Variants in NLRC4 observed in about 807,000 individuals in gnomAD.
NLRC4 encodes the protein NLR family CARD domain-containing protein 4.
In NLRC4, 63 loss-of-function variants were observed where a neutral mutation model predicts 79.9. That is an observed-to-expected ratio of 0.79 (90% CI 0.64 to 0.97). NLRC4 has a LOEUF of 0.97. Among genes scored for constraint, NLRC4 ranks in the 50% least tolerant of loss-of-function variants. NLRC4 has a pLI of 0.00. For synonymous variants in NLRC4, 461 were observed against 456.5 expected (o/e 1.01, Z -0.12); for missense variants, 1,074 against 1,215.2 (o/e 0.88, Z 1.73).
chr2:32,232,013 T>C (rs1243982673), intron 8 of NLRC4, among the ~76,000 whole-genome samples: 1 of 152,254 alleles, frequency 6.6e-6, no homozygotes, highest in Non-Finnish European at 1.5e-5. Flanking sequence ...CAAGGAATAC[T>C]GGTCAGTTTT....
chr2:32,244,822 A>AAGG (rs948469644), intron 4 of NLRC4, among the ~76,000 whole-genome samples: 21 of 146,506 alleles, frequency 1.4e-4, no homozygotes, highest in Middle Eastern at 3.5e-3. Flanking sequence ...TACAAAAAAG[A>AAGG]AGGAGGAGGA....
Position 32,247,305 on chromosome 2 carries a change from A to AT in NLRC4, c.2257+2301dup, listed in dbSNP as rs547856134. Among the ~76,000 whole-genome samples, 53 of 146,740 alleles carry AT rather than the reference A, an allele frequency of 3.6e-4. No individual in the cohort carries two copies. In the South Asian group the frequency reaches 8.3e-3, roughly 23 times the overall value. ...ACAAGCTTAACCTGCGTATATATTT[A>AT]TTTTTTTTAATTTTTTTTTTTTTTT... On this transcript the variant is annotated intron_variant, in intron 4 of 8. Coordinates refer to ENST00000402280, the MANE Select transcript of NLRC4 (RefSeq NM_001199138.2).
At chr2:32,233,913 A>G (rs1251135935) in intron 8 of NLRC4, among the ~76,000 whole-genome samples, 1 of 152,122 alleles carries the variant, frequency 6.6e-6, no homozygotes, top group Non-Finnish European at 1.5e-5. Context: ...ATTGGGTTCT[A>G]TCTCTCTCTT....
chr2:32,237,232 A>G (rs1159328719), intron 6 of NLRC4, among the ~76,000 whole-genome samples: 2 of 152,184 alleles, frequency 1.3e-5, no homozygotes, highest in East Asian at 1.9e-4. Context: ...TTTCATGAAT[A>G]TGTACTCTTG....
chr2:32,234,800 G>C (rs1406725228), intron 8 of NLRC4, among the ~76,000 whole-genome samples: 1 of 152,180 alleles, frequency 6.6e-6, no homozygotes, highest in Non-Finnish European at 1.5e-5. Flanking sequence ...GAGCTAACCT[G>C]CTAAACTCCT....
chr2:32,233,810 T>G (rs960334782), intron 8 of NLRC4, among the ~76,000 whole-genome samples: 1 of 152,208 alleles, frequency 6.6e-6, no homozygotes, highest in Non-Finnish European at 1.5e-5. Context: ...TGGTGTATAG[T>G]GCAGATTAAG....
intron 4 of NLRC4, 25 bp downstream of exon 4, chr2:32,249,582 C>A (rs1327808033): frequency 6.6e-7 from 1 of 1,510,796 alleles, no homozygotes. Context: ...GTGAACAAAG[C>A]ACAAACCACT....
At chr2:32,238,347 C>G in intron 5 of NLRC4, 45 bp from the exon 6 acceptor site, 1 of 1,490,832 alleles carries the variant, frequency 6.7e-7, no homozygotes, top group Non-Finnish European at 9.2e-7. Flanking sequence ...CAAGTTAATT[C>G]GATTTAAGCA....
At chr2:32,237,376 C>A (rs935836517) in intron 6 of NLRC4, among the ~76,000 whole-genome samples, 6 of 152,128 alleles carry the variant, frequency 3.9e-5, no homozygotes, top group Non-Finnish European at 5.9e-5. Flanking sequence ...ATTTGCAGTT[C>A]TAAGCCTGTC....
intron 8 of NLRC4, among the ~76,000 whole-genome samples, chr2:32,233,925 A>G (rs1373258606): frequency 6.6e-6 from 1 of 152,090 alleles, no homozygotes; most frequent in African/African-American, 2.4e-5. Flanking sequence ...CTCTCTCTTT[A>G]GCTCTAACAA....
chr2:32,243,952 T>C (rs1250056215), intron 4 of NLRC4, among the ~76,000 whole-genome samples: 2 of 151,334 alleles, frequency 1.3e-5, no homozygotes, highest in Non-Finnish European at 3.0e-5. Flanking sequence ...AGAAAACACA[T>C]GTGACATAAT....
rs1687034064 is a variant in NLRC4, at chr2:32,250,116, C to G, written c.1748G>C (p.Ser583Thr). 4 of 1,614,140 alleles carry G rather than the reference C, an allele frequency of 2.5e-6. No homozygotes were observed. Among genetic ancestry groups the G allele is most frequent in the Non-Finnish European group, 2.5e-6 (3 of 1,180,018 alleles). ...QEFEAFFQGK[S>T]LYINSGNIPD... Reference sequence around the variant, plus strand: ...GATGTTCCCTGAGTTGATATATAAGCTTTTACCTTGAAAGAAAGCTTCAAA... The same window carrying G: ...GATGTTCCCTGAGTTGATATATAAGGTTTTACCTTGAAAGAAAGCTTCAAA... Residue 583 changes from serine (S) to threonine (T), a missense_variant, in exon 4 of 9, where the codon AGC becomes ACC. Physicochemically the swap from Ser to Thr is moderately conservative, Grantham distance 58 (BLOSUM62 1). Coordinates refer to ENST00000402280, the MANE Select transcript of NLRC4 (RefSeq NM_001199138.2). This position sits in a 1 kb window ranked among gnomAD's most constrained non-coding sequence, Gnocchi z 4.9.
intron 1 of NLRC4, among the ~76,000 whole-genome samples, chr2:32,261,316 C>CCCTTTTTTTTTTTTTTTTTTT: frequency 4.9e-4 from 47 of 96,866 alleles, no homozygotes; most frequent in African/African-American, 7.0e-4. Context: ...AGCCTCCCCC[C>CCCTTTTTTTTTTTTTTTTTTT]TTTTGTTTTT....
At position 32,241,369 on chromosome 2, in the gene NLRC4, CTTTTTTTTTTTTTT is replaced by C. The variant is rs34150887; in HGVS notation, c.2258-258_2258-245del. Among the ~76,000 whole-genome samples the C allele has an allele frequency of 5.4e-3, 405 of 74,422 alleles. 1 individual carries two copies. The highest frequency in any genetic ancestry group is 0.022 in the African/African-American group (394 of 17,824). The allele number at this position is 74,422 out of a possible 152,430, so 48.8% of individuals were successfully genotyped here. ...CCCAGATAACAGGGAAAAAAATTTC[CTTTTTTTTTTTTTT>C]TTTTTTTTTTTGAGACAGAGTCTTG... On this transcript the variant is annotated intron_variant, in intron 4 of 8. Transcript: ENST00000402280.
At chr2:32,230,994 GT>G (rs1686519832) in intron 8 of NLRC4, among the ~76,000 whole-genome samples, 1 of 152,028 alleles carries the variant, frequency 6.6e-6, no homozygotes, top group South Asian at 2.1e-4. Context: ...TCTCATTGTA[GT>G]TTTGGTTTAC....
In NLRC4 at chr2:32,250,750, G is replaced by GT; in HGVS notation, c.1113dup (p.Gln372ThrfsTer8). The GT allele has an allele frequency of 6.2e-7, 1 of 1,614,186 alleles. No homozygotes were observed. The highest frequency in any genetic ancestry group is 8.5e-7 in the Non-Finnish European group (1 of 1,180,014). The stretch of plus-strand genomic sequence containing the variant: ...CCTTTATGTTTGTGTTTGTTTTTCT[G>GT]TATCAACAGATCATAGAAGGTATGG... On this transcript the variant is annotated frameshift_variant, in exon 4 of 9. Transcript: ENST00000402280. LOFTEE classifies it high-confidence loss of function. This position sits in a 1 kb window ranked among gnomAD's most constrained non-coding sequence, Gnocchi z 4.9.
At chr2:32,257,491 C>T (rs948049405) in intron 1 of NLRC4, among the ~76,000 whole-genome samples, 8 of 151,998 alleles carry the variant, frequency 5.3e-5, no homozygotes, top group African/African-American at 1.7e-4. Context: ...CCTGTAGTCC[C>T]AGCTGTTCCG....
In NLRC4 at chr2:32,256,818, A is replaced by T; in HGVS notation, c.-43T>A. 1.3e-6 allele frequency: 1 copy of T among 780,258 alleles called. No individual in the cohort carries two copies. The highest frequency in any genetic ancestry group is 2.4e-6 in the Non-Finnish European group (1 of 417,872). 48.3% of individuals were successfully genotyped at this position (780,258 alleles called of 1,614,324 possible). A position where few individuals can be genotyped will look rare whatever the true frequency, so the allele number is the denominator to read the frequency against. On this transcript the variant is annotated 5_prime_UTR_variant, in exon 2 of 9. Transcript: ENST00000402280. ...TCCCACCTTTCTATAACACAATAGA[A>T]AATATTATTTCCAAATGGAAAGGTC...
chr2:32,251,198 A>G lies in NLRC4; in HGVS notation c.666T>C (p.Asp222=). The change falls in exon 4 of 9, where the codon GAT becomes GAC. Residue 222 remains aspartate (D), a synonymous_variant. Transcript: ENST00000402280. ...TCTGCTTCCTGATTGTGCCAGGTAT[A>G]TCCAGGAGTTGATCACAGAGGGTTT... The part of the protein sequence containing the change: ...LFETLCDQLL[D]IPGTIRKQTF... The G allele has an allele frequency of 6.2e-7, 1 of 1,614,180 alleles. No individual in the cohort carries two copies. Among genetic ancestry groups the G allele is most frequent in the Non-Finnish European group, 8.5e-7 (1 of 1,180,028 alleles).
Sources: gnomAD v4.1 joint callset for allele counts (sites outside exome capture counted in the v4.1 genomes callset) on GRCh38, gnomAD v4.1.1 for gene constraint, Gnocchi (gnomAD v3.1) non-coding constraint, MANE v1.5 for transcripts, NCBI Gene and HGNC (gene_info 2026-07-23, HGNC 2026-07-21) for gene names.